Variants in SNX29 observed in about 807,000 individuals in gnomAD.
SNX29 encodes sorting nexin-29.
A neutral mutation model predicts 102.1 loss-of-function variants in SNX29; 78 were observed. The ratio of observed to expected loss-of-function variants is 0.76; its 90% CI spans 0.64 to 0.92. The LOEUF is 0.92. SNX29 is among the 40% of genes least tolerant of loss of function. SNX29 has a pLI of 0.00. For synonymous variants in SNX29, 580 were observed against 414.5 expected (o/e 1.40, Z -4.85); for missense variants, 1,280 against 1,061.7 (o/e 1.21, Z -2.86).
At chr16:11,978,851 G>A (rs999895841) in intron 1 of SNX29, among the ~76,000 whole-genome samples, 1 of 151,930 alleles carries the variant, frequency 6.6e-6, no homozygotes, top group East Asian at 1.9e-4. Flanking sequence ...CTTAAACCCC[G>A]GTGCCAGAGG....
rs111337858 is a variant in SNX29, at chr16:12,003,093, C to T, written c.122+50C>T. The stretch of plus-strand genomic sequence containing the variant: ...TTGACCATCGAGGTTGGAAAGGCGG[C>T]AGAAGGTGGCCGGCTTCTAAAACCG... On this transcript the variant is annotated intron_variant, in intron 3 of 20. Transcript: ENST00000566228. The T allele has an allele frequency of 1.9e-4, 301 of 1,607,106 alleles. 4 individuals are homozygous for T. In the Middle Eastern group the frequency reaches 3.8e-3, roughly 20 times the overall value.
chr16:12,251,635 G>A (rs1238970995), intron 14 of SNX29, among the ~76,000 whole-genome samples: 5 of 152,108 alleles, frequency 3.3e-5, no homozygotes, highest in Middle Eastern at 3.2e-3. Context: ...CCTGGGAGGC[G>A]GAGGTTGCAG....
intron 14 of SNX29, among the ~76,000 whole-genome samples, chr16:12,250,237 A>C (rs546974510): frequency 6.6e-6 from 1 of 152,240 alleles, no homozygotes; most frequent in African/African-American, 2.4e-5. Context: ...AGCCTTGTGC[A>C]TAGAAACACA....
chr16:12,218,912 C>G (rs1426286774), intron 14 of SNX29, among the ~76,000 whole-genome samples: 8 of 152,100 alleles, frequency 5.3e-5, no homozygotes, highest in East Asian at 1.9e-4. Flanking sequence ...GTAGCTGGGA[C>G]TAAAGGCACC....
intron 14 of SNX29, among the ~76,000 whole-genome samples, chr16:12,219,719 G>C (rs1704101): frequency 2.6e-5 from 4 of 152,220 alleles, no homozygotes; most frequent in Non-Finnish European, 4.4e-5. Flanking sequence ...GTGACGCACA[G>C]ACCAGTTTCC....
intron 15 of SNX29, among the ~76,000 whole-genome samples, chr16:12,338,296 G>A (rs577955278): frequency 2.5e-4 from 38 of 152,298 alleles, no homozygotes; most frequent in Middle Eastern, 3.4e-3. Context: ...GTGGGGTTGG[G>A]CGAGGAAGGG....
At chr16:12,556,717 G>C (rs1056431556) in intron 20 of SNX29, among the ~76,000 whole-genome samples, 24 of 152,114 alleles carry the variant, frequency 1.6e-4, no homozygotes, top group African/African-American at 5.6e-4. Flanking sequence ...AGTGGGTCTT[G>C]GATTTTGTTT....
intron 19 of SNX29, among the ~76,000 whole-genome samples, chr16:12,510,288 G>C (rs2089555868): frequency 6.6e-6 from 1 of 152,220 alleles, no homozygotes; most frequent in African/African-American, 2.4e-5. Context: ...TGTGCCTTGT[G>C]CTGAAGATGG....
rs2084040717 is a variant in SNX29 at position 12,403,435 on chromosome 16, T to C, written c.1956-13T>C. ...ATGTCTAATGTTGGTCTCTCTCTCTTCCTTTTGGTTAGATCAAACCGGGCG... is the reference window on the plus strand; with the variant it reads ...ATGTCTAATGTTGGTCTCTCTCTCTCCCTTTTGGTTAGATCAAACCGGGCG... On this transcript the variant is annotated splice_polypyrimidine_tract_variant and intron_variant, in intron 17 of 20. Transcript: ENST00000566228. 9 of 1,598,784 alleles carry C rather than the reference T, an allele frequency of 5.6e-6. No homozygotes were observed. Among genetic ancestry groups the C allele is most frequent in the South Asian group, 1.1e-5 (1 of 88,144 alleles).
chr16:12,001,983 C>G (rs796319819), intron 2 of SNX29, among the ~76,000 whole-genome samples: 12 of 151,130 alleles, frequency 7.9e-5, no homozygotes, highest in East Asian at 1.9e-4. Context: ...TGGCATCACT[C>G]CCCTTCAGCC....
At chr16:12,483,936 G>A (rs1250437546) in intron 19 of SNX29, among the ~76,000 whole-genome samples, 1 of 152,240 alleles carries the variant, frequency 6.6e-6, no homozygotes, top group Non-Finnish European at 1.5e-5. Flanking sequence ...TGCCCAGGGA[G>A]CAAAGGAGTC....
In SNX29 at chr16:12,569,673, T is replaced by A. The variant is rs2079144325; in HGVS notation, c.*1044T>A. On this transcript the variant is annotated 3_prime_UTR_variant, in exon 21 of 21. Coordinates refer to ENST00000566228, the MANE Select transcript of SNX29 (RefSeq NM_032167.5). ...CTGTTCCTCCCATGTCAGGTGGCTC[T>A]CAGAGTACAGGGACCTTGGCAGGTG... 4.3e-6 allele frequency: 1 copy of A among 229,962 alleles called. No individual in the cohort carries two copies. Among genetic ancestry groups the A allele is most frequent in the East Asian group, 6.2e-5 (1 of 16,218 alleles). 14.2% of individuals were successfully genotyped at this position (229,962 alleles called of 1,614,324 possible).
At chr16:12,129,383 GGCCT>G (rs2054354952) in intron 12 of SNX29, among the ~76,000 whole-genome samples, 1 of 152,176 alleles carries the variant, frequency 6.6e-6, no homozygotes, top group African/African-American at 2.4e-5. Context: ...TCAGAAGGCT[GGCCT>G]GCTCGCAGGC....
chr16:12,044,649 G>A (rs954532150), intron 5 of SNX29, among the ~76,000 whole-genome samples: 6 of 152,128 alleles, frequency 3.9e-5, no homozygotes, highest in African/African-American at 1.4e-4. Flanking sequence ...CGCGACCTTG[G>A]CTCACTGTAA....
At chr16:12,379,817 C>G (rs558519042) in intron 16 of SNX29, among the ~76,000 whole-genome samples, 2 of 152,236 alleles carry the variant, frequency 1.3e-5, no homozygotes, top group South Asian at 2.1e-4. Context: ...CCTAAGTCAT[C>G]GATCCCGGTG....
At chr16:12,477,287 C>G (rs1387595260) in intron 18 of SNX29, among the ~76,000 whole-genome samples, 1 of 152,128 alleles carries the variant, frequency 6.6e-6, no homozygotes, top group Admixed American at 6.5e-5. Context: ...CCAGGCACCA[C>G]CACATTGCCC....
chr16:12,332,640 C>A (rs781400889), intron 15 of SNX29, among the ~76,000 whole-genome samples: 1 of 152,134 alleles, frequency 6.6e-6, no homozygotes, highest in African/African-American at 2.4e-5. Flanking sequence ...TCAAGAACCC[C>A]GTCCTTAGGC....
chr16:12,553,329 G>C (rs1378432173), intron 20 of SNX29, among the ~76,000 whole-genome samples: 2 of 152,222 alleles, frequency 1.3e-5, no homozygotes, highest in East Asian at 1.9e-4. Flanking sequence ...GCCCTAACAA[G>C]GCAGGCAGAG....
At position 12,078,883 on chromosome 16, in the gene SNX29, CT is replaced by C; in HGVS notation, c.1372del (p.Ser458LeufsTer8). 1 of 1,606,564 alleles carries C rather than the reference CT, an allele frequency of 6.2e-7. No homozygotes were observed. The highest frequency in any genetic ancestry group is 1.3e-5 in the African/African-American group (1 of 74,944). On this transcript the variant is annotated frameshift_variant, in exon 11 of 21. Transcript: ENST00000566228. LOFTEE classifies it high-confidence loss of function. ...GHGSPLSSLL[P>X]SASVPESMTI... ...GGAAGTCCTCTGAGCAGCCTGTTACCTTCTGCCTCAGTGCCAGAGTCCATGA... is the reference window on the plus strand; with the variant it reads ...GGAAGTCCTCTGAGCAGCCTGTTACCTCTGCCTCAGTGCCAGAGTCCATGA...
Sources: gnomAD v4.1 joint callset for allele counts (sites outside exome capture counted in the v4.1 genomes callset) on GRCh38, gnomAD v4.1.1 for gene constraint, MANE v1.5 for transcripts, NCBI Gene and HGNC (gene_info 2026-07-23, HGNC 2026-07-21) for gene names.